ABR: variants seen among roughly 807,000 people sequenced by gnomAD.
ABR encodes the protein active breakpoint cluster region-related protein.
ABR carries 35 observed loss-of-function variants against 107.2 expected under a neutral mutation model. The observed-to-expected ratio is 0.33, with a 90% CI of 0.25 to 0.43. The LOEUF (loss-of-function observed/expected upper bound fraction) is 0.43. Ranked by LOEUF, ABR falls within the 20% of genes least tolerant of loss-of-function variation. ABR has a pLI of 1.00. For missense variants in ABR, 815 were observed against 1,115.2 expected (o/e 0.73, Z 3.83); for synonymous variants, 498 against 462.0 (o/e 1.08, Z -1.00).
At chr17:1,096,584 C>G (rs962228234) in intron 3 of ABR, among the ~76,000 whole-genome samples, 3 of 152,194 alleles carry the variant, frequency 2.0e-5, no homozygotes, top group African/African-American at 7.2e-5. Flanking sequence ...GCCCTCCTAC[C>G]ACAGACCTGG....
Position 1,047,100 on chromosome 17 carries a change from C to T in ABR, c.1791+2950G>A, listed in dbSNP as rs537526165. Among the ~76,000 whole-genome samples the T allele has an allele frequency of 2.0e-5, 3 of 152,362 alleles. No homozygotes were observed. The South Asian group carries it at 6.2e-4, about 32-fold the overall frequency. ...GGGCCCCTTGCTTTCTCTGGATGGG[C>T]TGCTGGGAGGGGGCTTAGAGAGAAG... On this transcript the variant is annotated intron_variant, in intron 16 of 22. Transcript: ENST00000302538.
At chr17:1,146,877 CAT>C in intron 1 of ABR, among the ~76,000 whole-genome samples, 1 of 139,110 alleles carries the variant, frequency 7.2e-6, no homozygotes, top group Admixed American at 7.1e-5. Flanking sequence ...ACCATTGCTA[CAT>C]GACACCACTG....
intron 1 of ABR, among the ~76,000 whole-genome samples, chr17:1,160,901 G>A (rs145720011): frequency 6.6e-6 from 1 of 152,236 alleles, no homozygotes; most frequent in African/African-American, 2.4e-5. Context: ...TGGGACGCCC[G>A]TGCGGTGGAG....
chr17:1,047,371 C>T (rs2031785264), intron 16 of ABR, among the ~76,000 whole-genome samples: 2 of 152,356 alleles, frequency 1.3e-5, no homozygotes, highest in South Asian at 4.1e-4. Context: ...TTCGTGGGAA[C>T]AGCTCCGTGT....
chr17:1,108,481 A>T (rs2151382460), intron 2 of ABR, among the ~76,000 whole-genome samples: 1 of 152,368 alleles, frequency 6.6e-6, no homozygotes. Context: ...CAGCTGACCC[A>T]GTGCTTTTCC....
chr17:1,060,997 C>CA (rs71148423), intron 10 of ABR, among the ~76,000 whole-genome samples: 9,743 of 149,470 alleles, frequency 0.065, 391 homozygotes, highest in South Asian at 0.19. Flanking sequence ...GACTCCATCT[C>CA]AAAAAAAAAC....
At chr17:1,049,185 A>C (rs2032135740) in intron 16 of ABR, among the ~76,000 whole-genome samples, 1 of 151,920 alleles carries the variant, frequency 6.6e-6, no homozygotes, top group African/African-American at 2.4e-5. Context: ...GTTTTTATTT[A>C]TTTTTATTTT....
intron 16 of ABR, among the ~76,000 whole-genome samples, chr17:1,041,156 G>A (rs914079482): frequency 5.3e-5 from 8 of 152,004 alleles, no homozygotes; most frequent in Non-Finnish European, 4.4e-5. Flanking sequence ...CTGACCTCAT[G>A]ATCCGCCCGC....
chr17:1,129,096 T>C (rs2039715088), intron 1 of ABR, among the ~76,000 whole-genome samples: 1 of 152,186 alleles, frequency 6.6e-6, no homozygotes, highest in Admixed American at 6.5e-5. Context: ...CTTCTCAGGC[T>C]CCTTGGTGAA....
At chr17:1,153,172 C>G (rs2040869444) in intron 1 of ABR, among the ~76,000 whole-genome samples, 1 of 152,208 alleles carries the variant, frequency 6.6e-6, no homozygotes, top group Admixed American at 6.5e-5. Flanking sequence ...CCCTTTCTTG[C>G]CCCATCATCA....
intron 1 of ABR, among the ~76,000 whole-genome samples, chr17:1,195,967 A>G (rs1230083827): frequency 1.3e-5 from 2 of 150,592 alleles, no homozygotes; most frequent in African/African-American, 5.0e-5. Context: ...CATCTCTACT[A>G]AAAATACAAA....
intron 18 of ABR, chr17:1,012,440 C>T (rs533101880): frequency 1.3e-4 from 93 of 688,960 alleles, no homozygotes; most frequent in African/African-American, 4.4e-4. Context: ...CCGCTTGTTA[C>T]GAGGAGCAGA....
chr17:1,039,273 C>T (rs1026496849), intron 16 of ABR, among the ~76,000 whole-genome samples: 2 of 152,042 alleles, frequency 1.3e-5, no homozygotes, highest in East Asian at 1.9e-4. Context: ...TGGAGGGGAG[C>T]GGGGGGAGCC....
At chr17:1,069,281 C>T (rs2035018442) in intron 9 of ABR, among the ~76,000 whole-genome samples, 1 of 152,038 alleles carries the variant, frequency 6.6e-6, no homozygotes, top group South Asian at 2.1e-4. Flanking sequence ...CCTCCAATGG[C>T]CTTATATTAT....
intron 18 of ABR, chr17:1,012,469 G>A (rs775482965): frequency 7.6e-5 from 53 of 697,652 alleles, no homozygotes; most frequent in Non-Finnish European, 4.7e-5. Flanking sequence ...GATCTCACAA[G>A]AGACCTTCCA....
intron 10 of ABR, among the ~76,000 whole-genome samples, chr17:1,061,698 C>A (rs887370351): frequency 2.6e-5 from 4 of 152,082 alleles, no homozygotes; most frequent in Non-Finnish European, 4.4e-5. Flanking sequence ...AGGCACCCAC[C>A]ACCACACCCG....
At position 1,108,884 on chromosome 17, in the gene ABR, GCAGCGCCGGCCCGGCCCCCCC is replaced by G. The variant is rs760102684; in HGVS notation, c.247-8170_247-8150del. The G allele has an allele frequency of 1.2e-5, 18 of 1,527,576 alleles. No individual in the cohort carries two copies. The Admixed American group carries it at 1.9e-4, about 16-fold the overall frequency. 94.6% of individuals were successfully genotyped at this position (1,527,576 alleles called of 1,614,324 possible). The stretch of plus-strand genomic sequence containing the variant: ...CAGCCATTTCTCCCGCGCACCTTCG[GCAGCGCCGGCCCGGCCCCCCC>G]CAGCGCCCAGGGCGTGTCACGCTCC... On this transcript the variant is annotated intron_variant, in intron 2 of 22. Transcript: ENST00000302538.
chr17:1,014,264 A>AC (rs1448360447), intron 16 of ABR, among the ~76,000 whole-genome samples: 4 of 150,788 alleles, frequency 2.7e-5, no homozygotes, highest in Admixed American at 2.0e-4. Flanking sequence ...ACACGGTGAA[A>AC]CCCCGTCTCT....
intron 16 of ABR, among the ~76,000 whole-genome samples, chr17:1,028,103 C>CA (rs2072364613): frequency 1.3e-5 from 2 of 151,988 alleles, no homozygotes; most frequent in African/African-American, 2.4e-5. Flanking sequence ...TTCCTCCCCC[C>CA]ACCCCAAGAC....
Sources: allele counts gnomAD v4.1 joint callset (sites outside exome capture counted in the v4.1 genomes callset), GRCh38; gene constraint gnomAD v4.1.1; transcripts MANE v1.5; gene names NCBI Gene and HGNC (gene_info 2026-07-23, HGNC 2026-07-21).